Variants in MCC observed in about 807,000 individuals in gnomAD.
MCC encodes the protein MCC regulator of Wnt signaling pathway.
In MCC, 90 loss-of-function variants were observed where a neutral mutation model predicts 116.2. The ratio of observed to expected loss-of-function variants is 0.77; its 90% CI spans 0.65 to 0.92. The LOEUF (loss-of-function observed/expected upper bound fraction) is 0.92. Among genes scored for constraint, MCC ranks in the 40% least tolerant of loss-of-function variants. The pLI is 0.00. For synonymous variants in MCC, 578 were observed against 510.5 expected (o/e 1.13, Z -1.78); for missense variants, 1,516 against 1,312.2 (o/e 1.16, Z -2.40).
Position 113,159,713 on chromosome 5 carries a change from C to T in MCC, c.628-8291G>A, listed in dbSNP as rs1459848617. On this transcript the variant is annotated intron_variant, in intron 3 of 18. Coordinates refer to ENST00000408903, the MANE Select transcript of MCC (RefSeq NM_001085377.2). ...GATACATACAGAACAAAATGCCTGG[C>T]AAAAGGGTAGTGTTCCCTGCTAGAT... Among the ~76,000 whole-genome samples, 3 of 152,172 alleles carry T rather than the reference C, an allele frequency of 2.0e-5. No individual in the cohort carries two copies. In the East Asian group the frequency reaches 5.8e-4, roughly 29 times the overall value.
At chr5:113,244,426 T>C (rs566791306) in intron 3 of MCC, among the ~76,000 whole-genome samples, 1 of 152,388 alleles carries the variant, frequency 6.6e-6, no homozygotes, top group Admixed American at 6.5e-5. Context: ...TAATACTCTA[T>C]ATAATCTCTA....
chr5:113,102,150 G>T (rs1261378689), intron 7 of MCC, among the ~76,000 whole-genome samples: 1 of 152,222 alleles, frequency 6.6e-6, no homozygotes, highest in Non-Finnish European at 1.5e-5. Flanking sequence ...CTGGGGTACA[G>T]TCTGTGTTAC....
At chr5:113,301,405 C>T (rs549978283) in intron 3 of MCC, among the ~76,000 whole-genome samples, 410 of 148,074 alleles carry the variant, frequency 2.8e-3, no homozygotes, top group Non-Finnish European at 4.8e-3. Flanking sequence ...GCAGAGGTTG[C>T]GGCGAGCCGA....
In MCC at chr5:113,101,068, A is replaced by G. The variant is rs529902439; in HGVS notation, c.1398+671T>C. ...TTCTGCCGAACATTTCTATCCTGAA[A>G]CATTAGCTCCTTCAGTAATGGATAC... On this transcript the variant is annotated intron_variant, in intron 8 of 18. Coordinates refer to ENST00000408903, the MANE Select transcript of MCC (RefSeq NM_001085377.2). Among the ~76,000 whole-genome samples, 21 of 152,320 alleles carry G rather than the reference A, an allele frequency of 1.4e-4. No homozygotes were observed. In the South Asian group the frequency reaches 4.4e-3, roughly 32 times the overall value.
At chr5:113,339,337 A>G (rs763470831) in intron 3 of MCC, among the ~76,000 whole-genome samples, 13 of 152,066 alleles carry the variant, frequency 8.5e-5, no homozygotes, top group Non-Finnish European at 1.8e-4. Context: ...TTATTTTGGT[A>G]TACTAGTCAT....
chr5:113,124,994 G>T (rs1451164038), intron 5 of MCC, among the ~76,000 whole-genome samples: 1 of 152,192 alleles, frequency 6.6e-6, no homozygotes, highest in East Asian at 1.9e-4. Flanking sequence ...CACAAGTGTG[G>T]AATAGCACAG....
At chr5:113,481,798 C>T (rs1772385324) in intron 1 of MCC, among the ~76,000 whole-genome samples, 1 of 152,078 alleles carries the variant, frequency 6.6e-6, no homozygotes, top group Non-Finnish European at 1.5e-5. Flanking sequence ...TTATATAATT[C>T]ATATACCATA....
At chr5:113,436,399 A>C (rs1770866347) in intron 1 of MCC, 1 of 152,146 alleles carries the variant, frequency 6.6e-6, no homozygotes, top group African/African-American at 2.4e-5. Flanking sequence ...AATCTGAAAA[A>C]CTAGTTCAGG....
chr5:113,304,272 G>T (rs1766929307), intron 3 of MCC, among the ~76,000 whole-genome samples: 1 of 152,124 alleles, frequency 6.6e-6, no homozygotes, highest in Non-Finnish European at 1.5e-5. Context: ...TAGGTAATTT[G>T]GTTAGTCTAT....
intron 3 of MCC, 28 bp downstream of exon 3, chr5:113,340,491 T>C (rs763464194): frequency 5.0e-6 from 8 of 1,589,936 alleles, no homozygotes; most frequent in African/African-American, 2.7e-5. Flanking sequence ...GGCCGAAATA[T>C]GTATTCCATG....
At chr5:113,373,058 A>G (rs920220632) in intron 2 of MCC, among the ~76,000 whole-genome samples, 1 of 152,056 alleles carries the variant, frequency 6.6e-6, no homozygotes, top group Non-Finnish European at 1.5e-5. Flanking sequence ...GAGCACCTGT[A>G]GTCTCAGCTA....
chr5:113,306,129 C>T (rs1460007719), intron 3 of MCC, among the ~76,000 whole-genome samples: 2 of 152,048 alleles, frequency 1.3e-5, no homozygotes, highest in Admixed American at 6.6e-5. Flanking sequence ...TATGGGTTTA[C>T]CATATTTTGT....
At chr5:113,058,256 T>C (rs1293267680) in intron 14 of MCC, among the ~76,000 whole-genome samples, 1 of 152,208 alleles carries the variant, frequency 6.6e-6, no homozygotes, top group East Asian at 1.9e-4. Flanking sequence ...CATTCTCTAA[T>C]TACCCTGCAG....
Position 113,022,923 on chromosome 5 carries a change from A to G in MCC, c.*4379T>C, listed in dbSNP as rs996617897. The G allele has an allele frequency of 6.9e-6, 1 of 144,506 alleles. No individual in the cohort carries two copies. Among genetic ancestry groups the G allele is most frequent in the East Asian group, 1.9e-4 (1 of 5,170 alleles). The allele number at this position is 144,506 out of a possible 1,614,324, so 9.0% of individuals were successfully genotyped here. A position where few individuals can be genotyped will look rare whatever the true frequency, so the allele number is the denominator to read the frequency against. ...CTCACCCAGATGTAATGTGATAAACAAACAGTTTACCCAGTGTAACCTTTA... is the reference window on the plus strand; with the variant it reads ...CTCACCCAGATGTAATGTGATAAACGAACAGTTTACCCAGTGTAACCTTTA... On this transcript the variant is annotated 3_prime_UTR_variant, in exon 19 of 19. Transcript: ENST00000408903.
chr5:113,300,043 C>G (rs1766823765), intron 3 of MCC, among the ~76,000 whole-genome samples: 1 of 152,316 alleles, frequency 6.6e-6, no homozygotes, highest in South Asian at 2.1e-4. Context: ...TGTGGGCACA[C>G]TGGCATCACC....
At chr5:113,413,041 G>C (rs1056035474) in intron 1 of MCC, among the ~76,000 whole-genome samples, 1 of 152,152 alleles carries the variant, frequency 6.6e-6, no homozygotes, top group Non-Finnish European at 1.5e-5. Context: ...TGTGGTTTTT[G>C]TCGTTGGTTC....
At chr5:113,144,755 A>T (rs983615194) in intron 4 of MCC, among the ~76,000 whole-genome samples, 1 of 152,230 alleles carries the variant, frequency 6.6e-6, no homozygotes, top group Non-Finnish European at 1.5e-5. Context: ...CTCCAGAAAC[A>T]AGATTGGAGG....
At chr5:113,413,945 G>T (rs1261882066) in intron 1 of MCC, among the ~76,000 whole-genome samples, 1 of 152,162 alleles carries the variant, frequency 6.6e-6, no homozygotes, top group East Asian at 1.9e-4. Flanking sequence ...TGCTTTAAAT[G>T]TGTCCCAGAG....
At chr5:113,375,968 A>G in intron 2 of MCC, among the ~76,000 whole-genome samples, 1 of 152,172 alleles carries the variant, frequency 6.6e-6, no homozygotes, top group East Asian at 1.9e-4. Flanking sequence ...CTGTCAATTT[A>G]GCAGCAAGTG....
Sources: allele counts gnomAD v4.1 joint callset (sites outside exome capture counted in the v4.1 genomes callset), GRCh38; gene constraint gnomAD v4.1.1; transcripts MANE v1.5; gene names NCBI Gene and HGNC (gene_info 2026-07-23, HGNC 2026-07-21).